The following RBFOX1 variants were observed in gnomAD, a reference collection of about 807,000 sequenced individuals.
RBFOX1 encodes RNA binding fox-1 homolog 1, also known as RNA binding protein fox-1 homolog 1.
RBFOX1 carries 8 observed loss-of-function variants against 57.7 expected under a neutral mutation model. That is an observed-to-expected ratio of 0.14 (90% CI 0.08 to 0.25). RBFOX1 has a LOEUF of 0.25. Among genes scored for constraint, RBFOX1 ranks in the 10% least tolerant of loss-of-function variants. The pLI, the probability that RBFOX1 is intolerant of heterozygous loss-of-function variation, is 1.00. For missense variants in RBFOX1, 611 were observed against 548.5 expected (o/e 1.11, Z -1.14); for synonymous variants, 326 against 222.4 (o/e 1.47, Z -4.15).
chr16:5,541,573 G>T (rs1176178138), intron 2 of RBFOX1, among the ~76,000 whole-genome samples: 2 of 152,152 alleles, frequency 1.3e-5, no homozygotes, highest in Non-Finnish European at 2.9e-5. Context: ...CCTTTCCAAA[G>T]GAGGTAATCA....
chr16:6,703,292 T>A (rs1461271661), intron 3 of RBFOX1, among the ~76,000 whole-genome samples: 2 of 147,314 alleles, frequency 1.4e-5, no homozygotes, highest in Non-Finnish European at 3.1e-5. Context: ...GATAAGAAAG[T>A]GGCTGGGAGT....
chr16:5,582,796 G>C (rs889348361), intron 2 of RBFOX1, among the ~76,000 whole-genome samples: 2 of 152,094 alleles, frequency 1.3e-5, no homozygotes, highest in African/African-American at 4.8e-5. Flanking sequence ...TGAGGAGGTG[G>C]TTATCAGTTC....
At chr16:5,904,674 A>G (rs1046967014) in intron 4 of RBFOX1, among the ~76,000 whole-genome samples, 1 of 152,100 alleles carries the variant, frequency 6.6e-6, no homozygotes, top group Non-Finnish European at 1.5e-5. Flanking sequence ...TGAAGACAGC[A>G]TCTTGAAGAG....
chr16:7,155,249 A>G (rs1341632446), intron 4 of RBFOX1, among the ~76,000 whole-genome samples: 1 of 152,094 alleles, frequency 6.6e-6, no homozygotes, highest in Non-Finnish European at 1.5e-5. Flanking sequence ...TGAACTTCAT[A>G]TCATCACCTT....
chr16:7,188,901 C>G (rs946717473), intron 4 of RBFOX1, among the ~76,000 whole-genome samples: 1 of 152,072 alleles, frequency 6.6e-6, no homozygotes, highest in Non-Finnish European at 1.5e-5. Context: ...ATACAGACAG[C>G]TAAGGATTGG....
At chr16:7,387,950 A>G (rs554359089) in intron 4 of RBFOX1, among the ~76,000 whole-genome samples, 89 of 152,320 alleles carry the variant, frequency 5.8e-4, no homozygotes, top group Non-Finnish European at 1.0e-3. Context: ...GGGTCAAAGC[A>G]TCCCAGAGCT....
chr16:5,565,564 G>A (rs138568562), intron 2 of RBFOX1, among the ~76,000 whole-genome samples: 3,768 of 151,984 alleles, frequency 0.025, 107 homozygotes, highest in Non-Finnish European at 0.033. Context: ...GGCGGAGTTC[G>A]TGGTGAGCTG....
At chr16:5,254,334 C>G (rs1336840286) in intron 1 of RBFOX1, among the ~76,000 whole-genome samples, 3 of 152,234 alleles carry the variant, frequency 2.0e-5, no homozygotes, top group East Asian at 3.9e-4. Context: ...GACAGGTGTA[C>G]CCAGAATCCC....
At chr16:5,504,373 G>T (rs1400605249) in intron 2 of RBFOX1, among the ~76,000 whole-genome samples, 1 of 152,230 alleles carries the variant, frequency 6.6e-6, no homozygotes, top group Non-Finnish European at 1.5e-5. Context: ...CCTGGCCCAG[G>T]CTCCTGGATA....
At chr16:6,767,956 GAAGAAGAA>G (rs1567165931) in intron 3 of RBFOX1, among the ~76,000 whole-genome samples, 2 of 98,790 alleles carry the variant, frequency 2.0e-5, no homozygotes, top group Admixed American at 1.0e-4. Flanking sequence ...ATAAGAAGAA[GAAGAAGAA>G]GAAGAAGAAG....
chr16:7,259,227 A>G (rs919483917), intron 4 of RBFOX1, among the ~76,000 whole-genome samples: 8 of 152,178 alleles, frequency 5.3e-5, no homozygotes, highest in East Asian at 3.9e-4. Flanking sequence ...CTTTGATGCT[A>G]TACAATTAAA....
chr16:6,784,789 T>C lies in RBFOX1; in HGVS notation c.-16+130139T>C, dbSNP rs75823861. On this transcript the variant is annotated intron_variant, in intron 3 of 15. Transcript: ENST00000550418. ...TTGTGGGGAAGTAAATCCCTGGAATTTTCTATTTAGCCATCTTGTTCCACC... is the reference window on the plus strand; with the variant it reads ...TTGTGGGGAAGTAAATCCCTGGAATCTTCTATTTAGCCATCTTGTTCCACC... Among the ~76,000 whole-genome samples the C allele has an allele frequency of 5.0e-3, 758 of 152,220 alleles. 38 individuals are homozygous for C. In the East Asian group the frequency reaches 0.12, roughly 25 times the overall value.
intron 1 of RBFOX1, among the ~76,000 whole-genome samples, chr16:5,275,777 C>T (rs1274678577): frequency 6.6e-6 from 1 of 152,196 alleles, no homozygotes; most frequent in Non-Finnish European, 1.5e-5. Flanking sequence ...CATTACCCAA[C>T]TTCAAACTAT....
intron 3 of RBFOX1, among the ~76,000 whole-genome samples, chr16:5,785,780 G>A (rs1436521674): frequency 2.0e-5 from 3 of 152,060 alleles, no homozygotes; most frequent in African/African-American, 7.2e-5. Flanking sequence ...ACATGCCTTG[G>A]CCTCCCAAAG....
At chr16:6,967,251 T>C (rs1459144883) in intron 3 of RBFOX1, among the ~76,000 whole-genome samples, 3 of 152,062 alleles carry the variant, frequency 2.0e-5, no homozygotes, top group African/African-American at 7.2e-5. Flanking sequence ...ATCTACCATC[T>C]GTCTGTCTGT....
intron 1 of RBFOX1, among the ~76,000 whole-genome samples, chr16:6,285,728 C>G (rs1307978891): frequency 6.6e-6 from 1 of 152,154 alleles, no homozygotes; most frequent in Non-Finnish European, 1.5e-5. Context: ...ACAATAGGGT[C>G]TGTTGGTAAC....
At chr16:7,393,436 T>TAGGA (rs894887427) in intron 4 of RBFOX1, among the ~76,000 whole-genome samples, 1 of 152,170 alleles carries the variant, frequency 6.6e-6, no homozygotes, top group African/African-American at 2.4e-5. Context: ...TACACACTTA[T>TAGGA]AGGAGCACAC....
chr16:7,496,691 C>CTT (rs71147702), intron 4 of RBFOX1, among the ~76,000 whole-genome samples: 71,727 of 138,682 alleles, frequency 0.52, 21,691 homozygotes, highest in Non-Finnish European at 0.7. Flanking sequence ...TTAACAAAGA[C>CTT]TTTTTTTTTT....
intron 1 of RBFOX1, among the ~76,000 whole-genome samples, chr16:5,355,560 T>C (rs2065366769): frequency 1.3e-5 from 2 of 152,122 alleles, no homozygotes; most frequent in African/African-American, 4.8e-5. Context: ...TTAATGAGAT[T>C]TTATTTATAG....
Sources: allele counts gnomAD v4.1 joint callset (sites outside exome capture counted in the v4.1 genomes callset), GRCh38; gene constraint gnomAD v4.1.1; transcripts MANE v1.5; gene names NCBI Gene and HGNC (gene_info 2026-07-23, HGNC 2026-07-21).